The following NCAM1 variants were observed in gnomAD, a reference collection of about 807,000 sequenced individuals.
The protein encoded by NCAM1 is antigen recognized by monoclonal antibody 5.1H11.
Under a neutral mutation model 109.8 loss-of-function variants are expected in NCAM1, and 14 were observed. The observed-to-expected ratio is 0.13, with a 90% CI of 0.08 to 0.20. NCAM1 has a LOEUF of 0.20. Among genes scored for constraint, NCAM1 ranks in the 10% least tolerant of loss-of-function variants. The pLI, the probability that NCAM1 is intolerant of heterozygous loss-of-function variation, is 1.00. For missense variants in NCAM1, 774 were observed against 1,109.9 expected (o/e 0.70, Z 4.30); for synonymous variants, 418 against 442.9 (o/e 0.94, Z 0.70).
intron 1 of NCAM1, among the ~76,000 whole-genome samples, chr11:113,087,718 G>T (rs537971627): frequency 1.3e-5 from 2 of 152,292 alleles, no homozygotes; most frequent in South Asian, 2.1e-4. Context: ...GGGCTTCATA[G>T]CATAGTTCTC....
chr11:113,209,958 G>A (rs1200457038), intron 7 of NCAM1, among the ~76,000 whole-genome samples: 1 of 152,164 alleles, frequency 6.6e-6, no homozygotes, highest in African/African-American at 2.4e-5. Context: ...AGGCACAGAG[G>A]CAGGAAAAGC....
intron 1 of NCAM1, among the ~76,000 whole-genome samples, chr11:113,138,062 CG>C (rs1591359242): frequency 6.6e-6 from 1 of 152,104 alleles, no homozygotes; most frequent in Non-Finnish European, 1.5e-5. Context: ...CAGTGCGGGC[CG>C]TGAGTCCCAG....
intron 1 of NCAM1, among the ~76,000 whole-genome samples, chr11:113,104,307 T>C (rs927917797): frequency 6.6e-6 from 1 of 151,424 alleles, no homozygotes; most frequent in Non-Finnish European, 1.5e-5. Flanking sequence ...TGATTTATAC[T>C]GCCCTACTAC....
intron 1 of NCAM1, among the ~76,000 whole-genome samples, chr11:113,069,103 G>GC (rs1248740233): frequency 1.3e-5 from 2 of 152,096 alleles, no homozygotes; most frequent in Non-Finnish European, 1.5e-5. Flanking sequence ...TAGGAAGTGG[G>GC]CCCTGTCTCC....
intron 1 of NCAM1, among the ~76,000 whole-genome samples, chr11:113,088,684 T>C (rs1225573609): frequency 6.6e-6 from 1 of 152,238 alleles, no homozygotes; most frequent in Non-Finnish European, 1.5e-5. Flanking sequence ...TGGACTTTTA[T>C]AGGCTACAGG....
intron 18 of NCAM1, among the ~76,000 whole-genome samples, chr11:113,270,842 C>T (rs1197321993): frequency 1.3e-5 from 2 of 152,150 alleles, no homozygotes; most frequent in Non-Finnish European, 2.9e-5. Context: ...CACATAGGTA[C>T]AACAGGGAAC....
At chr11:113,011,993 TTCCTTCCTTC>T (rs1952073248) in intron 1 of NCAM1, among the ~76,000 whole-genome samples, 1 of 149,228 alleles carries the variant, frequency 6.7e-6, no homozygotes, top group Non-Finnish European at 1.5e-5. Context: ...CCTTCCTTCC[TTCCTTCCTTC>T]CTTCCTTCCT....
At position 112,964,376 on chromosome 11, in the gene NCAM1, A is replaced by C. The variant is rs112035566; in HGVS notation, c.52+2712A>C. Among the ~76,000 whole-genome samples, 541 of 152,200 alleles carry C rather than the reference A, an allele frequency of 3.6e-3. 3 individuals are homozygous for C. The highest frequency in any genetic ancestry group is 0.013 in the African/African-American group (520 of 41,514). Reference sequence around the variant, plus strand: ...GTAAATTTGAGTTTATTCTAGTATAAATTTTGGATGTTTTGAAGAATTGTT... The same window carrying C: ...GTAAATTTGAGTTTATTCTAGTATACATTTTGGATGTTTTGAAGAATTGTT... On this transcript the variant is annotated intron_variant, in intron 1 of 19. Transcript: ENST00000316851.
intron 1 of NCAM1, among the ~76,000 whole-genome samples, chr11:113,015,959 T>C (rs1316070433): frequency 6.6e-6 from 1 of 152,110 alleles, no homozygotes; most frequent in African/African-American, 2.4e-5. Flanking sequence ...AGCAGCCTGA[T>C]GTTATCAGGT....
At chr11:113,183,316 A>T (rs1382771723) in intron 1 of NCAM1, among the ~76,000 whole-genome samples, 2 of 152,222 alleles carry the variant, frequency 1.3e-5, no homozygotes, top group Non-Finnish European at 2.9e-5. Context: ...TGTGCACAGC[A>T]GGCCTCTTTC....
At chr11:113,185,079 T>TATATATAGAGAGAGAGAGAG in intron 1 of NCAM1, among the ~76,000 whole-genome samples, 5 of 125,746 alleles carry the variant, frequency 4.0e-5, no homozygotes, top group East Asian at 2.9e-4. Context: ...TATATATATA[T>TATATATAGAGAGAGAGAGAG]AGAGAGAGAG....
At chr11:113,018,468 T>A (rs553418407) in intron 1 of NCAM1, among the ~76,000 whole-genome samples, 2 of 152,280 alleles carry the variant, frequency 1.3e-5, no homozygotes, top group South Asian at 2.1e-4. Context: ...GATAATATTG[T>A]TCATGTGTGC....
At chr11:113,151,466 T>A (rs1318586948) in intron 1 of NCAM1, among the ~76,000 whole-genome samples, 2 of 152,176 alleles carry the variant, frequency 1.3e-5, no homozygotes, top group Non-Finnish European at 2.9e-5. Flanking sequence ...GACTAGTCAA[T>A]TAGATATGGT....
At chr11:113,207,723 T>G in intron 6 of NCAM1, 110 bp from the exon 7 acceptor site, 2 of 1,200,584 alleles carry the variant, frequency 1.7e-6, no homozygotes, top group Non-Finnish European at 2.3e-6. Flanking sequence ...TTGTGAAGAC[T>G]GAGGAGTCTT....
intron 1 of NCAM1, among the ~76,000 whole-genome samples, chr11:113,127,569 C>G (rs1555097367): frequency 6.6e-6 from 1 of 152,100 alleles, no homozygotes; most frequent in African/African-American, 2.4e-5. Context: ...TTTTTAAACC[C>G]CCATTGCTTT....
chr11:112,964,150 T>G (rs538169185), intron 1 of NCAM1, among the ~76,000 whole-genome samples: 14 of 3,338 alleles, frequency 4.2e-3, no homozygotes, highest in Middle Eastern at 0.062. Flanking sequence ...GTTTTTTTTT[T>G]TTTTGTTTTT....
chr11:113,187,956 A>T (rs1943563614), intron 1 of NCAM1, among the ~76,000 whole-genome samples: 1 of 152,240 alleles, frequency 6.6e-6, no homozygotes, highest in African/African-American at 2.4e-5. Flanking sequence ...TATAGAAATA[A>T]AGGCAGCTTG....
chr11:113,264,413 C>T, intron 17 of NCAM1: 1 of 985,412 alleles, frequency 1.0e-6, no homozygotes, highest in Non-Finnish European at 1.2e-6. Flanking sequence ...CCATGCTGCA[C>T]AGTAGCTCAG....
chr11:113,247,593 C>G (rs1161792025), intron 15 of NCAM1, among the ~76,000 whole-genome samples: 3 of 152,168 alleles, frequency 2.0e-5, no homozygotes, highest in Non-Finnish European at 4.4e-5. Flanking sequence ...CAGCTTGGCC[C>G]CAATGTAGTC....
Sources: allele counts gnomAD v4.1 joint callset (sites outside exome capture counted in the v4.1 genomes callset), GRCh38; gene constraint gnomAD v4.1.1; transcripts MANE v1.5; gene names NCBI Gene and HGNC (gene_info 2026-07-23, HGNC 2026-07-21).